The following TLE3 variants were observed in gnomAD, a reference collection of about 807,000 sequenced individuals.
The protein encoded by TLE3 is TLE family member 3, transcriptional corepressor, also known as transducin-like enhancer protein 3.
A neutral mutation model predicts 93.0 loss-of-function variants in TLE3; 14 were observed. That is an observed-to-expected ratio of 0.15 (90% confidence interval 0.10 to 0.24). TLE3 has a LOEUF of 0.24. Among genes scored for constraint, TLE3 ranks in the 10% least tolerant of loss-of-function variants. TLE3 has a pLI of 1.00. For synonymous variants in TLE3, 451 were observed against 425.0 expected (o/e 1.06, Z -0.75); for missense variants, 693 against 1,046.6 (o/e 0.66, Z 4.66).
At chr15:70,057,767 G>T in intron 12 of TLE3, 109 bp from the exon 13 acceptor site, 1 of 1,381,522 alleles carries the variant, frequency 7.2e-7, no homozygotes, top group Non-Finnish European at 9.8e-7. Context: ...CCTGCTCCAG[G>T]CAGTCCTCTC....
At chr15:70,079,304 G>C (rs2057624469) in intron 4 of TLE3, 1 of 477,120 alleles carries the variant, frequency 2.1e-6, no homozygotes, top group Non-Finnish European at 4.2e-6. Flanking sequence ...GTTCGACGAA[G>C]AGAGGCCTCT....
At chr15:70,050,357 A>G in intron 19 of TLE3, 153 bp from the exon 20 acceptor site, 1 of 593,668 alleles carries the variant, frequency 1.7e-6, no homozygotes, top group South Asian at 1.9e-5. Flanking sequence ...CCTGGAGCAC[A>G]GTGCGGTGAA....
chr15:70,079,836 A>T (rs1235042429), intron 4 of TLE3, among the ~76,000 whole-genome samples: 1 of 152,034 alleles, frequency 6.6e-6, no homozygotes, highest in Non-Finnish European at 1.5e-5. Flanking sequence ...GCTTGTCAAC[A>T]TCTCCACTTT....
intron 16 of TLE3, chr15:70,053,604 T>TG (rs3833024): frequency 0.034 from 12,537 of 372,296 alleles, 299 homozygotes; most frequent in East Asian, 0.14. Context: ...CCCTGGGAAA[T>TG]GGGGGGGGGA....
Position 70,058,387 on chromosome 15 carries a change from G to A in TLE3, c.919-96C>T. ...TGCCGGTCCCAACGTGAAGCCCAGA[G>A]CCAGACCCTTATGAAGCTTCTGCCG... is the stretch of plus-strand genomic sequence containing the variant. On this transcript the variant is annotated intron_variant, in intron 11 of 19. Coordinates refer to ENST00000451782, the MANE Select transcript of TLE3 (RefSeq NM_001105192.3). The surrounding 1 kb of genome is among the most constrained non-coding windows in gnomAD (Gnocchi z 4.1). 1 of 1,509,866 alleles carries A rather than the reference G, an allele frequency of 6.6e-7. No individual in the cohort carries two copies. Among genetic ancestry groups the A allele is most frequent in the Non-Finnish European group, 8.9e-7 (1 of 1,125,558 alleles). 93.5% of individuals were successfully genotyped at this position (1,509,866 alleles called of 1,614,324 possible). A position where few individuals can be genotyped will look rare whatever the true frequency, so the allele number is the denominator to read the frequency against.
chr15:70,094,391 G>C, intron 4 of TLE3, 141 bp downstream of exon 4: 1 of 673,320 alleles, frequency 1.5e-6, no homozygotes, highest in Non-Finnish European at 2.5e-6. Flanking sequence ...GCATTTCAAG[G>C]ACTGGATCCA....
At chr15:70,081,156 C>G (rs539807963) in intron 4 of TLE3, among the ~76,000 whole-genome samples, 6 of 152,286 alleles carry the variant, frequency 3.9e-5, no homozygotes, top group Admixed American at 3.9e-4. Flanking sequence ...TGGCTTTGGG[C>G]AAATCACTTC....
intron 6 of TLE3, among the ~76,000 whole-genome samples, chr15:70,070,434 C>A (rs1432312166): frequency 1.3e-5 from 2 of 152,198 alleles, no homozygotes; most frequent in Non-Finnish European, 2.9e-5. Context: ...TTTCCAGAGC[C>A]AAGACCCGCC....
chr15:70,065,239 G>C (rs1466990458), intron 7 of TLE3, among the ~76,000 whole-genome samples: 1 of 152,254 alleles, frequency 6.6e-6, no homozygotes, highest in Non-Finnish European at 1.5e-5. Context: ...CGTATCTAAG[G>C]GCAGAGTGCA....
At position 70,072,851 on chromosome 15, in the gene TLE3, T is replaced by G. The variant is rs148123914; in HGVS notation, c.372+1682A>C. ...GCCCCAAATTTCAACAGTGTCAAGG[T>G]TGACGATCCCCGGGCTAGATGATCT... On this transcript the variant is annotated intron_variant, in intron 6 of 19. Transcript: ENST00000451782. 8.9e-3 allele frequency among the ~76,000 whole-genome samples: 1,352 copies of G among 152,320 alleles called. 17 individuals carry two copies. Among genetic ancestry groups the G allele is most frequent in the African/African-American group, 0.031 (1,296 of 41,560 alleles).
intron 4 of TLE3, among the ~76,000 whole-genome samples, chr15:70,081,385 T>C (rs1447232963): frequency 1.3e-5 from 2 of 152,268 alleles, no homozygotes; most frequent in Non-Finnish European, 2.9e-5. Flanking sequence ...TGCTGGCTGG[T>C]TGCTGGGCAG....
At chr15:70,095,026 C>A (rs2058483019) in intron 3 of TLE3, among the ~76,000 whole-genome samples, 1 of 152,198 alleles carries the variant, frequency 6.6e-6, no homozygotes, top group South Asian at 2.1e-4. Context: ...CTGCCTACTG[C>A]CCCAGCGTGG....
At chr15:70,068,560 G>C (rs2056959014) in intron 6 of TLE3, among the ~76,000 whole-genome samples, 1 of 152,202 alleles carries the variant, frequency 6.6e-6, no homozygotes. Flanking sequence ...ACATTTTATA[G>C]TGCAGAGCCA....
intron 6 of TLE3, among the ~76,000 whole-genome samples, chr15:70,073,858 T>C (rs1421681049): frequency 6.6e-6 from 1 of 152,226 alleles, no homozygotes; most frequent in Admixed American, 6.5e-5. Context: ...ACAAGCCAGG[T>C]AGACCCAGCT....
intron 6 of TLE3, among the ~76,000 whole-genome samples, chr15:70,071,427 C>T (rs769390734): frequency 6.6e-6 from 1 of 152,122 alleles, no homozygotes; most frequent in African/African-American, 2.4e-5. Context: ...CCTTTTCACA[C>T]ATGCCACCCT....
At position 70,058,927 on chromosome 15, in the gene TLE3, C is replaced by T; in HGVS notation, c.766-112G>A. ...ATGGGCGATGGGAAGACGAGCTTGGCTGAAAGACTGGGGGCCCCACAGTGA... is the reference window on the plus strand; with the variant it reads ...ATGGGCGATGGGAAGACGAGCTTGGTTGAAAGACTGGGGGCCCCACAGTGA... On this transcript the variant is annotated intron_variant, in intron 10 of 19. Coordinates refer to ENST00000451782, the MANE Select transcript of TLE3 (RefSeq NM_001105192.3). This position sits in a 1 kb window ranked among gnomAD's most constrained non-coding sequence, Gnocchi z 4.1. The T allele has an allele frequency of 2.2e-6, 3 of 1,385,806 alleles. No homozygotes were observed. The highest frequency in any genetic ancestry group is 2.8e-6 in the Non-Finnish European group (3 of 1,058,420). 85.8% of individuals were successfully genotyped at this position (1,385,806 alleles called of 1,614,324 possible).
intron 9 of TLE3, among the ~76,000 whole-genome samples, 198 bp from the exon 10 acceptor site, chr15:70,059,658 CT>C (rs1290357524): frequency 6.6e-6 from 1 of 152,216 alleles, no homozygotes; most frequent in Admixed American, 6.5e-5. Context: ...AGGCTGTCCC[CT>C]AGCCCAGGCC....
In TLE3 at chr15:70,065,996, G is replaced by GCCCCCCCCCCCCCCCC; in HGVS notation, c.577+17_577+18insGGGGGGGGGGGGGGGG. On this transcript the variant is annotated intron_variant, in intron 7 of 19. Coordinates refer to ENST00000451782, the MANE Select transcript of TLE3 (RefSeq NM_001105192.3). ...CCACCCCTGCCCCGCCCCACCCTCT[G>GCCCCCCCCCCCCCCCC]CCCCAGCCCAGCCGCACCTCTGTGA... is the stretch of plus-strand genomic sequence containing the variant. The GCCCCCCCCCCCCCCCC allele has an allele frequency of 7.4e-7, 1 of 1,347,800 alleles. No individual in the cohort carries two copies. The highest frequency in any genetic ancestry group is 1.0e-6 in the Non-Finnish European group (1 of 955,758). The allele number at this position is 1,347,800 out of a possible 1,614,324, so 83.5% of individuals were successfully genotyped here.
intron 16 of TLE3, chr15:70,053,812 C>T (rs754126222): frequency 1.2e-4 from 20 of 161,670 alleles, no homozygotes; most frequent in Admixed American, 1.9e-4. Context: ...ACTCCACACG[C>T]CCTCAATTTG....
Sources: gnomAD v4.1 joint callset for allele counts (sites outside exome capture counted in the v4.1 genomes callset) on GRCh38, gnomAD v4.1.1 for gene constraint, Gnocchi (gnomAD v3.1) non-coding constraint, MANE v1.5 for transcripts, NCBI Gene and HGNC (gene_info 2026-07-23, HGNC 2026-07-21) for gene names.